PSD2: variants seen among roughly 807,000 people sequenced by gnomAD.
The protein encoded by PSD2 is pleckstrin and Sec7 domain containing 2.
A neutral mutation model predicts 69.8 loss-of-function variants in PSD2; 38 were observed. That is an observed-to-expected ratio of 0.54 (90% confidence interval 0.42 to 0.71). The LOEUF is 0.71. Ranked by LOEUF, PSD2 falls within the 30% of genes least tolerant of loss-of-function variation. The pLI, the probability that PSD2 is intolerant of heterozygous loss-of-function variation, is 0.00. For synonymous variants in PSD2, 412 were observed against 423.0 expected (o/e 0.97, Z 0.32); for missense variants, 943 against 1,014.5 (o/e 0.93, Z 0.96).
rs1047332367 is a variant in PSD2, at chr5:139,813,224, C to T, written c.372-85C>T. On this transcript the variant is annotated intron_variant, in intron 2 of 14. Coordinates refer to ENST00000274710, the MANE Select transcript of PSD2 (RefSeq NM_032289.4). ...GGGGGAGTGGTGTGCCCCCAGGGGG[C>T]TCCCAGACACAGATGAGTGTAGTCA... 10 of 1,154,144 alleles carry T rather than the reference C, an allele frequency of 8.7e-6. No homozygotes were observed. In the African/African-American group the frequency reaches 1.5e-4, roughly 18 times the overall value. 71.5% of individuals were successfully genotyped at this position (1,154,144 alleles called of 1,614,324 possible). A position where few individuals can be genotyped will look rare whatever the true frequency, so the allele number is the denominator to read the frequency against.
intron 1 of PSD2, among the ~76,000 whole-genome samples, chr5:139,800,315 C>T (rs1759640631): frequency 6.6e-6 from 1 of 152,248 alleles, no homozygotes; most frequent in South Asian, 2.1e-4. Context: ...CACTTTCAGT[C>T]CAAGCCCATG....
chr5:139,823,356 C>T (rs1277937163), intron 7 of PSD2, among the ~76,000 whole-genome samples: 2 of 152,164 alleles, frequency 1.3e-5, no homozygotes, highest in Non-Finnish European at 2.9e-5. Context: ...TGTGCCGAGG[C>T]CCCCATCACC....
In PSD2 at chr5:139,842,307, A is replaced by C. The variant is rs777771215; in HGVS notation, c.2149A>C (p.Met717Leu). The C allele has an allele frequency of 5.0e-6, 8 of 1,614,160 alleles. No homozygotes were observed. Among genetic ancestry groups the C allele is most frequent in the Non-Finnish European group, 6.8e-6 (8 of 1,180,030 alleles). ...RYETYIHLLA[M>L]KIKVGSDDLE... ...TGAGACCTATATCCACCTCCTGGCT[A>C]TGAAAATCAAAGTGGGCTCAGATGA... Residue 717 changes from methionine (M) to leucine (L), a missense_variant, in exon 15 of 15, where the codon ATG (methionine) becomes CTG (leucine). Around this residue, in one of 3 missense-constraint regions of PSD2, gnomAD observed 165 missense variants for 168.8 expected, o/e 0.98. Coordinates refer to ENST00000274710, the MANE Select transcript of PSD2 (RefSeq NM_032289.4).
intron 1 of PSD2, among the ~76,000 whole-genome samples, chr5:139,806,044 G>A (rs1759797559): frequency 6.6e-6 from 1 of 152,350 alleles, no homozygotes; most frequent in South Asian, 2.1e-4. Flanking sequence ...GCTGAGCCAG[G>A]GTTCCACTAT....
the PSD2 span, among the ~76,000 whole-genome samples, chr5:139,790,116 C>T: frequency 6.6e-6 from 1 of 151,918 alleles, no homozygotes; most frequent in African/African-American, 2.4e-5. Context: ...ATTTTGTGGC[C>T]TGCGTAAAGA....
At chr5:139,785,101 G>T in the PSD2 span, among the ~76,000 whole-genome samples, 1 of 151,984 alleles carries the variant, frequency 6.6e-6, no homozygotes, top group Non-Finnish European at 1.5e-5. Context: ...CTTTCAAAGT[G>T]CCCACTGATA....
intron 13 of PSD2, 104 bp downstream of exon 13, chr5:139,838,876 C>A: frequency 7.7e-7 from 1 of 1,301,972 alleles, no homozygotes; most frequent in Non-Finnish European, 1.1e-6. Context: ...CTGGGTGATC[C>A]TGGGCTGAAG....
upstream of PSD2, among the ~76,000 whole-genome samples, chr5:139,794,600 C>T (rs545134495): frequency 4.1e-4 from 62 of 152,312 alleles, no homozygotes; most frequent in Non-Finnish European, 7.1e-4. Flanking sequence ...GTTCACTGAG[C>T]ACAGCAGGAT....
At chr5:139,789,441 C>T in the PSD2 span, among the ~76,000 whole-genome samples, 2 of 152,166 alleles carry the variant, frequency 1.3e-5, no homozygotes, top group Admixed American at 6.5e-5. Context: ...TTGTGTGTTT[C>T]GAAGCCCTTC....
chr5:139,837,343 C>T lies in PSD2; in HGVS notation c.1665+105C>T. On this transcript the variant is annotated intron_variant, in intron 11 of 14. Transcript: ENST00000274710. The surrounding 1 kb of genome is among the most constrained non-coding windows in gnomAD (Gnocchi z 5.0). ...CCCCAGGCAGGACCTGGGGCTCAGG[C>T]ACATGCTGGGTCCTTCCCCAGACTT... is the stretch of plus-strand genomic sequence containing the variant. The T allele has an allele frequency of 8.7e-7, 1 of 1,154,556 alleles. No individual in the cohort carries two copies. The highest frequency in any genetic ancestry group is 1.4e-5 in the South Asian group (1 of 73,754). The allele number at this position is 1,154,556 out of a possible 1,614,324, so 71.5% of individuals were successfully genotyped here.
At chr5:139,742,552 C>T in the PSD2 span, 1 of 152,566 alleles carries the variant, frequency 6.6e-6, no homozygotes, top group Non-Finnish European at 1.5e-5. Context: ...CCTCAGGGCC[C>T]CCGAGCTTCA....
the PSD2 span, among the ~76,000 whole-genome samples, chr5:139,748,060 G>A: frequency 6.6e-6 from 1 of 152,222 alleles, no homozygotes; most frequent in Non-Finnish European, 1.5e-5. Context: ...GGGAGGGGGC[G>A]AAGGTCTGCG....
rs80112082 is a variant in PSD2, at chr5:139,828,706, G to T, written c.1270-4996G>T. On this transcript the variant is annotated intron_variant, in intron 7 of 14. Transcript: ENST00000274710. ...TGACCCTTAAAGACAGGCTAGCATT[G>T]TTCTGATCTCAGGGCTGTGCATGGA... is the stretch of plus-strand genomic sequence containing the variant. 3.0e-3 allele frequency among the ~76,000 whole-genome samples: 452 copies of T among 152,212 alleles called. 4 individuals carry two copies. Among genetic ancestry groups the T allele is most frequent in the African/African-American group, 0.01 (425 of 41,514 alleles).
chr5:139,825,147 C>T (rs1012287341), intron 7 of PSD2, among the ~76,000 whole-genome samples: 3 of 152,144 alleles, frequency 2.0e-5, no homozygotes, highest in African/African-American at 4.8e-5. Flanking sequence ...AGTGAACAAG[C>T]GATTACAAGT....
At chr5:139,779,622 G>C in the PSD2 span, among the ~76,000 whole-genome samples, 1 of 152,098 alleles carries the variant, frequency 6.6e-6, no homozygotes, top group African/African-American at 2.4e-5. Flanking sequence ...TTTAACAAAT[G>C]CATATATTTG....
intron 1 of PSD2, among the ~76,000 whole-genome samples, chr5:139,797,728 A>G (rs1170595725): frequency 6.6e-6 from 1 of 152,186 alleles, no homozygotes; most frequent in East Asian, 1.9e-4. Flanking sequence ...AGAGGGAGGC[A>G]CTACCCTTAT....
At chr5:139,836,248 C>T (rs1316284858) in intron 9 of PSD2, among the ~76,000 whole-genome samples, 2 of 152,186 alleles carry the variant, frequency 1.3e-5, no homozygotes, top group African/African-American at 4.8e-5. Flanking sequence ...GGGGTGTTGA[C>T]CTTGCTGTTT....
At chr5:139,789,715 G>C in the PSD2 span, among the ~76,000 whole-genome samples, 2 of 152,200 alleles carry the variant, frequency 1.3e-5, no homozygotes, top group African/African-American at 4.8e-5. Flanking sequence ...ATCTACAAGG[G>C]AGAGAGGAAA....
At chr5:139,800,361 A>C (rs889655634) in intron 1 of PSD2, among the ~76,000 whole-genome samples, 2 of 152,218 alleles carry the variant, frequency 1.3e-5, no homozygotes, top group Non-Finnish European at 2.9e-5. Context: ...AGTGCAGTCC[A>C]CCAGGCACAG....
Sources: allele counts gnomAD v4.1 joint callset (sites outside exome capture counted in the v4.1 genomes callset), GRCh38; gene constraint gnomAD v4.1.1; regional missense constraint gnomAD v4.1.1; non-coding constraint Gnocchi (gnomAD v3.1); transcripts MANE v1.5; gene names NCBI Gene and HGNC (gene_info 2026-07-23, HGNC 2026-07-21).